Variants in CTNNBIP1 observed in about 807,000 individuals in gnomAD.
The protein encoded by CTNNBIP1 is catenin beta interacting protein 1.
Under a neutral mutation model 11.8 loss-of-function variants are expected in CTNNBIP1, and 7 were observed. That is an observed-to-expected ratio of 0.60 (90% CI 0.34 to 1.12). The LOEUF is 1.12. CTNNBIP1 is among the 50% of genes most tolerant of loss of function. The pLI, the probability that CTNNBIP1 is intolerant of heterozygous loss-of-function variation, is 0.03. For missense variants in CTNNBIP1, 101 were observed against 113.4 expected (o/e 0.89, Z 0.50); for synonymous variants, 58 against 43.9 (o/e 1.32, Z -1.26).
rs931330686 is a variant in CTNNBIP1, at chr1:9,867,430, C to T, written c.187+3757G>A. On this transcript the variant is annotated intron_variant, in intron 5 of 5. Transcript: ENST00000377263. The surrounding 1 kb of genome is among the most constrained non-coding windows in gnomAD (Gnocchi z 4.6). ...GGGTGCCCACGGCCCCCTCCCTGGGCCTCAAGTAAGGGAGCAGTGCCCCAG... is the reference window on the plus strand; with the variant it reads ...GGGTGCCCACGGCCCCCTCCCTGGGTCTCAAGTAAGGGAGCAGTGCCCCAG... Among the ~76,000 whole-genome samples the T allele has an allele frequency of 5.3e-5, 8 of 152,164 alleles. No homozygotes were observed. The highest frequency in any genetic ancestry group is 1.3e-4 in the Admixed American group (2 of 15,276).
chr1:9,872,169 A>C lies in CTNNBIP1; in HGVS notation c.-24-81T>G. The C allele has an allele frequency of 1.2e-6, 1 of 857,900 alleles. No individual in the cohort carries two copies. Among genetic ancestry groups the C allele is most frequent in the Admixed American group, 2.0e-5 (1 of 49,448 alleles). 53.1% of individuals were successfully genotyped at this position (857,900 alleles called of 1,614,324 possible). On this transcript the variant is annotated intron_variant, in intron 3 of 5. Coordinates refer to ENST00000377263, the MANE Select transcript of CTNNBIP1 (RefSeq NM_020248.3). This position sits in a 1 kb window ranked among gnomAD's most constrained non-coding sequence, Gnocchi z 4.0. ...ACAATGACACCTGCTAGTGACCCTCACTCCTCCCAGGAGCCGCTTTCCACC... is the reference window on the plus strand; with the variant it reads ...ACAATGACACCTGCTAGTGACCCTCCCTCCTCCCAGGAGCCGCTTTCCACC...
intron 2 of CTNNBIP1, among the ~76,000 whole-genome samples, chr1:9,881,162 C>T (rs1284658443): frequency 6.6e-6 from 1 of 151,752 alleles, no homozygotes; most frequent in Non-Finnish European, 1.5e-5. Context: ...CAGCCTCCTG[C>T]ATGGCTGAAC....
chr1:9,874,424 T>C (rs1638923815), intron 3 of CTNNBIP1, among the ~76,000 whole-genome samples: 1 of 152,160 alleles, frequency 6.6e-6, no homozygotes, highest in African/African-American at 2.4e-5. Flanking sequence ...CCTGCCACTT[T>C]TAAATTTTTT....
chr1:9,877,476 C>T (rs899186648), intron 3 of CTNNBIP1, among the ~76,000 whole-genome samples: 1 of 152,206 alleles, frequency 6.6e-6, no homozygotes, highest in Non-Finnish European at 1.5e-5. Context: ...TCAGGCGAGG[C>T]CAGGGAGCAA....
chr1:9,895,284 C>T (rs931043961), intron 1 of CTNNBIP1, among the ~76,000 whole-genome samples: 8 of 151,548 alleles, frequency 5.3e-5, no homozygotes, highest in Admixed American at 1.3e-4. Context: ...CTGCAACCTC[C>T]GCCTCCTGGG....
intron 5 of CTNNBIP1, among the ~76,000 whole-genome samples, chr1:9,864,948 G>C (rs1003340270): frequency 1.3e-5 from 2 of 152,222 alleles, no homozygotes; most frequent in Admixed American, 6.5e-5. Context: ...ATGTGGCTGG[G>C]CTGGGCGCAG....
chr1:9,868,685 T>C (rs559324046), intron 5 of CTNNBIP1, among the ~76,000 whole-genome samples: 14 of 152,086 alleles, frequency 9.2e-5, no homozygotes, highest in Admixed American at 3.3e-4. Flanking sequence ...TGGAGTAAAG[T>C]GGTGTGATCT....
intron 5 of CTNNBIP1, among the ~76,000 whole-genome samples, chr1:9,862,004 G>T (rs1275994152): frequency 6.6e-6 from 1 of 152,182 alleles, no homozygotes; most frequent in African/African-American, 2.4e-5. Context: ...TCTAATCCCA[G>T]ATGTGCTCCC....
At chr1:9,889,807 C>T (rs768004813) in intron 1 of CTNNBIP1, among the ~76,000 whole-genome samples, 1 of 152,204 alleles carries the variant, frequency 6.6e-6, no homozygotes, top group Non-Finnish European at 1.5e-5. Context: ...GTAATCCTCA[C>T]GTAACTCACA....
rs1471100625 is a variant in CTNNBIP1, at chr1:9,867,374, C to T, written c.187+3813G>A. ...CCCATAGATACTCAACAAATGTGACCGAGGAAGGAATCGAAGGGTAGGGGG... is the reference window on the plus strand; with the variant it reads ...CCCATAGATACTCAACAAATGTGACTGAGGAAGGAATCGAAGGGTAGGGGG... On this transcript the variant is annotated intron_variant, in intron 5 of 5. Transcript: ENST00000377263. The surrounding 1 kb of genome is among the most constrained non-coding windows in gnomAD (Gnocchi z 4.6). 2.0e-5 allele frequency among the ~76,000 whole-genome samples: 3 copies of T among 152,172 alleles called. No homozygotes were observed. The highest frequency in any genetic ancestry group is 2.9e-5 in the Non-Finnish European group (2 of 68,018).
At chr1:9,865,963 G>A (rs1638736042) in intron 5 of CTNNBIP1, among the ~76,000 whole-genome samples, 1 of 152,210 alleles carries the variant, frequency 6.6e-6, no homozygotes, top group African/African-American at 2.4e-5. Context: ...CCAGCAGGGC[G>A]ACCTTCCTGA....
intron 5 of CTNNBIP1, among the ~76,000 whole-genome samples, chr1:9,868,951 A>G (rs892364488): frequency 5.3e-5 from 8 of 151,756 alleles, no homozygotes; most frequent in Admixed American, 3.3e-4. Context: ...TGTCAAAAAC[A>G]AAATTTCTGA....
chr1:9,870,587 A>G (rs1638840347), intron 5 of CTNNBIP1, among the ~76,000 whole-genome samples: 1 of 152,260 alleles, frequency 6.6e-6, no homozygotes, highest in East Asian at 1.9e-4. Flanking sequence ...GCTACCTACA[A>G]TAGAATGAAA....
intron 1 of CTNNBIP1, among the ~76,000 whole-genome samples, chr1:9,898,202 C>A (rs185426237): frequency 1.5e-4 from 22 of 151,482 alleles, no homozygotes; most frequent in Admixed American, 1.4e-3. Flanking sequence ...ACATAAAAAT[C>A]AAAAACTCTG....
At chr1:9,894,899 C>A (rs1352601693) in intron 1 of CTNNBIP1, among the ~76,000 whole-genome samples, 1 of 139,882 alleles carries the variant, frequency 7.1e-6, no homozygotes, top group Non-Finnish European at 1.5e-5. Flanking sequence ...ACTGCCATGC[C>A]TGGCTATTTT....
In CTNNBIP1 at chr1:9,867,386, C is replaced by T. The variant is rs537152357; in HGVS notation, c.187+3801G>A. 6.6e-6 allele frequency among the ~76,000 whole-genome samples: 1 copy of T among 152,170 alleles called. No individual in the cohort carries two copies. Among genetic ancestry groups the T allele is most frequent in the Non-Finnish European group, 1.5e-5 (1 of 68,022 alleles). On this transcript the variant is annotated intron_variant, in intron 5 of 5. Transcript: ENST00000377263. This position sits in a 1 kb window ranked among gnomAD's most constrained non-coding sequence, Gnocchi z 4.6. ...CAACAAATGTGACCGAGGAAGGAAT[C>T]GAAGGGTAGGGGGTAAAGGGGTGCC...
At chr1:9,898,478 C>T (rs1368106536) in intron 1 of CTNNBIP1, among the ~76,000 whole-genome samples, 2 of 152,000 alleles carry the variant, frequency 1.3e-5, no homozygotes, top group African/African-American at 2.4e-5. Flanking sequence ...GAGCCAAGAT[C>T]GTGCCACTGC....
intron 5 of CTNNBIP1, among the ~76,000 whole-genome samples, chr1:9,868,885 C>T (rs1308389420): frequency 6.6e-6 from 1 of 152,342 alleles, no homozygotes; most frequent in East Asian, 1.9e-4. Context: ...ATCTGCCCAC[C>T]TTGGCCTCCC....
chr1:9,891,870 C>T (rs1234294018), intron 1 of CTNNBIP1, among the ~76,000 whole-genome samples: 3 of 135,812 alleles, frequency 2.2e-5, no homozygotes, highest in South Asian at 4.7e-4. Context: ...GGCGCAATCT[C>T]GTTTCACTGC....
Sources: gnomAD v4.1 joint callset for allele counts (sites outside exome capture counted in the v4.1 genomes callset) on GRCh38, gnomAD v4.1.1 for gene constraint, Gnocchi (gnomAD v3.1) non-coding constraint, MANE v1.5 for transcripts, NCBI Gene and HGNC (gene_info 2026-07-23, HGNC 2026-07-21) for gene names.